The following CDKL1 variants were observed in gnomAD, a reference collection of about 807,000 sequenced individuals.
CDKL1 encodes the protein cyclin dependent kinase like 1.
A neutral mutation model predicts 42.0 loss-of-function variants in CDKL1; 41 were observed. The observed-to-expected ratio is 0.98, with a 90% CI of 0.76 to 1.27. The LOEUF is 1.27. Among genes scored for constraint, CDKL1 ranks in the 50% most tolerant of loss-of-function variants. The probability of loss-of-function intolerance (pLI) is 0.00; values close to 1 mark genes in which losing one functional copy is unlikely to be tolerated. For synonymous variants in CDKL1, 153 were observed against 158.6 expected (o/e 0.96, Z 0.26); for missense variants, 394 against 428.4 (o/e 0.92, Z 0.71).
chr14:50,367,392 C>T (rs954662736), intron 2 of CDKL1, among the ~76,000 whole-genome samples: 15 of 152,286 alleles, frequency 9.8e-5, no homozygotes, highest in Middle Eastern at 3.4e-3. Flanking sequence ...ACTCCACTGA[C>T]CTCAGGGGTA....
At chr14:50,351,521 C>T (rs184633555) in intron 3 of CDKL1, among the ~76,000 whole-genome samples, 38 of 151,878 alleles carry the variant, frequency 2.5e-4, no homozygotes, top group African/African-American at 9.0e-4. Flanking sequence ...ATTGCTTGAG[C>T]CCAAAAGTTT....
intron 5 of CDKL1, 72 bp from the exon 6 acceptor site, chr14:50,341,304 G>A: frequency 6.6e-7 from 1 of 1,510,468 alleles, no homozygotes; most frequent in Non-Finnish European, 8.9e-7. Flanking sequence ...GGAGATCTCA[G>A]AAGTCAAGCC....
Position 50,332,576 on chromosome 14 carries a change from GTTCC to G in CDKL1, c.796-148_796-145del, listed in dbSNP as rs1360771744. 4.7e-6 allele frequency: 7 copies of G among 1,478,774 alleles called. No individual in the cohort carries two copies. The African/African-American group carries it at 7.0e-5, about 15-fold the overall frequency. The allele number at this position is 1,478,774 out of a possible 1,614,324, so 91.6% of individuals were successfully genotyped here. A position where few individuals can be genotyped will look rare whatever the true frequency, so the allele number is the denominator to read the frequency against. On this transcript the variant is annotated intron_variant, in intron 8 of 9. Coordinates refer to ENST00000395834, the MANE Select transcript of CDKL1 (RefSeq NM_004196.7). ...GGAAAACACACCAGTCATGATTTTA[GTTCC>G]TTCCAGTCATTCCTAAATGGCACTC...
At chr14:50,397,142 G>T, upstream of CDKL1, 1 of 1,366,098 alleles carries the variant, frequency 7.3e-7, no homozygotes, top group South Asian at 1.1e-5. Context: ...CTGTAACCGC[G>T]TCTGCGGAGC....
chr14:50,378,301 C>T (rs2034793480), intron 2 of CDKL1: 4 of 1,366,394 alleles, frequency 2.9e-6, no homozygotes, highest in African/African-American at 1.5e-5. Flanking sequence ...GAGGTTGTTG[C>T]AGTGCCTGAG....
At chr14:50,335,747 T>A (rs1006615245) in intron 7 of CDKL1, 3 of 985,218 alleles carry the variant, frequency 3.0e-6, no homozygotes, top group Non-Finnish European at 3.6e-6. Flanking sequence ...CTGGAGTGAC[T>A]GGCCAGGCTC....
intron 2 of CDKL1, 125 bp from the exon 3 acceptor site, chr14:50,359,274 T>A: frequency 1.8e-6 from 2 of 1,100,098 alleles, no homozygotes; most frequent in Non-Finnish European, 2.6e-6. Context: ...AAGGAGGCTG[T>A]AAACAGTATC....
At chr14:50,353,922 T>A in intron 3 of CDKL1, among the ~76,000 whole-genome samples, 1 of 152,032 alleles carries the variant, frequency 6.6e-6, no homozygotes, top group East Asian at 1.9e-4. Context: ...CAGAACAGTA[T>A]GTAAAGCTAT....
intron 8 of CDKL1, chr14:50,334,298 A>T: frequency 3.6e-6 from 1 of 277,334 alleles, no homozygotes; most frequent in Non-Finnish European, 6.7e-6. Context: ...TCGGGATTAC[A>T]GGCGAGCGCC....
chr14:50,395,855 T>TCA lies in CDKL1; in HGVS notation c.12_13dup (p.Glu5ValfsTer41), dbSNP rs766770988. On this transcript the variant is annotated frameshift_variant, in exon 2 of 10. Coordinates refer to ENST00000395834, the MANE Select transcript of CDKL1 (RefSeq NM_004196.7). LOFTEE classifies it high-confidence loss of function. ...TCCTTCTCCAATTTTCCCAATTTTT[T>TCA]CATACTTCTCCATCATAGAGGAATA... 6.2e-7 allele frequency: 1 copy of TCA among 1,612,440 alleles called. No individual in the cohort carries two copies. Among genetic ancestry groups the TCA allele is most frequent in the Non-Finnish European group, 8.5e-7 (1 of 1,178,508 alleles).
chr14:50,390,285 G>A (rs1400911472), intron 2 of CDKL1: 2 of 1,366,370 alleles, frequency 1.5e-6, no homozygotes, highest in Non-Finnish European at 2.0e-6. Context: ...ACCTGCCATA[G>A]GTAGAACGTC....
intron 2 of CDKL1, among the ~76,000 whole-genome samples, chr14:50,373,408 G>C (rs886637421): frequency 2.0e-5 from 3 of 152,188 alleles, no homozygotes; most frequent in African/African-American, 7.2e-5. Flanking sequence ...TCAAATTAGA[G>C]AAACAACGTG....
intron 7 of CDKL1, chr14:50,335,967 C>G (rs971360542): frequency 1.5e-6 from 2 of 1,365,284 alleles, no homozygotes; most frequent in South Asian, 2.3e-5. Flanking sequence ...TTGACAGTAG[C>G]CCCTGTTGCA....
intron 7 of CDKL1, among the ~76,000 whole-genome samples, chr14:50,337,048 G>A (rs1350065653): frequency 6.6e-6 from 1 of 152,068 alleles, no homozygotes; most frequent in Non-Finnish European, 1.5e-5. Flanking sequence ...TGGCCCTGTT[G>A]CCCAGGCTGG....
chr14:50,376,265 T>C (rs1251723253), intron 2 of CDKL1: 4 of 421,732 alleles, frequency 9.5e-6, no homozygotes, highest in African/African-American at 6.2e-5. Context: ...TACTATCTTC[T>C]AGTTTTTCCG....
In CDKL1 at chr14:50,330,121, ACTT is replaced by A. The variant is rs750008699; in HGVS notation, c.1024_1026del (p.Lys342del). The A allele has an allele frequency of 2.7e-5, 44 of 1,610,060 alleles. No individual in the cohort carries two copies. Among genetic ancestry groups the A allele is most frequent in the Admixed American group, 3.4e-5 (2 of 58,778 alleles). On this transcript the variant is annotated inframe_deletion, in exon 10 of 10. Transcript: ENST00000395834. ...TTAAGTTTCTTGGTATCACAGTAGT[ACTT>A]CTTATTATCCAAAGCTGGAAGGATG... is the stretch of plus-strand genomic sequence containing the variant.
At chr14:50,350,876 G>A (rs1286117672) in intron 3 of CDKL1, among the ~76,000 whole-genome samples, 3 of 152,282 alleles carry the variant, frequency 2.0e-5, no homozygotes, top group Middle Eastern at 3.4e-3. Context: ...CCACTGGGCT[G>A]TTGCCCAGCT....
At position 50,338,953 on chromosome 14, in the gene CDKL1, T is replaced by C. The variant is rs147406709; in HGVS notation, c.732A>G (p.Glu244=). 3 of 1,606,948 alleles carry C rather than the reference T, an allele frequency of 1.9e-6. No homozygotes were observed. The highest frequency in any genetic ancestry group is 2.7e-5 in the African/African-American group (2 of 74,772). The change falls in exon 7 of 10, where the codon GAA becomes GAG. Residue 244 remains glutamate (E), a synonymous_variant. Coordinates refer to ENST00000395834, the MANE Select transcript of CDKL1 (RefSeq NM_004196.7). ...YFSGVKIPDP[E]DMEPLELKFP... ...TCCAAAATGGGTAACTCACCATATC[T>C]TCAGGGTCTGGAATTTTCACTCCAC...
intron 2 of CDKL1, among the ~76,000 whole-genome samples, chr14:50,365,284 T>G (rs1005262153): frequency 1.3e-5 from 2 of 152,196 alleles, no homozygotes; most frequent in Non-Finnish European, 2.9e-5. Context: ...AATTGCTTCC[T>G]TTGAGGGCTT....
Sources: gnomAD v4.1 joint callset for allele counts (sites outside exome capture counted in the v4.1 genomes callset) on GRCh38, gnomAD v4.1.1 for gene constraint, MANE v1.5 for transcripts, NCBI Gene and HGNC (gene_info 2026-07-23, HGNC 2026-07-21) for gene names.